The following KHDRBS2 variants were observed in gnomAD, a reference collection of about 807,000 sequenced individuals.
KHDRBS2 encodes KH RNA binding domain containing, signal transduction associated 2, also known as KH domain-containing, RNA-binding, signal transduction-associated protein 2.
Under a neutral mutation model 44.3 loss-of-function variants are expected in KHDRBS2, and 26 were observed. The ratio of observed to expected loss-of-function variants is 0.59; its 90% CI spans 0.43 to 0.81. The LOEUF is 0.81. KHDRBS2 is among the 40% of genes least tolerant of loss of function. The pLI is 0.00. For synonymous variants in KHDRBS2, 194 were observed against 151.1 expected (o/e 1.28, Z -2.08); for missense variants, 476 against 433.1 (o/e 1.10, Z -0.88).
intron 2 of KHDRBS2, among the ~76,000 whole-genome samples, chr6:62,085,289 A>T (rs1798179729): frequency 6.6e-6 from 1 of 152,106 alleles, no homozygotes; most frequent in South Asian, 2.1e-4. Flanking sequence ...ATGTGGATTG[A>T]AAAGAAGGCA....
chr6:61,810,745 GAATAA>G (rs1787988176), intron 6 of KHDRBS2, among the ~76,000 whole-genome samples: 1 of 151,934 alleles, frequency 6.6e-6, no homozygotes, highest in Non-Finnish European at 1.5e-5. Context: ...ACTGAGAATT[GAATAA>G]AATAAGCTAC....
At chr6:61,940,810 GGACTATTGCTGTT>G (rs942266532) in intron 4 of KHDRBS2, among the ~76,000 whole-genome samples, 3 of 152,158 alleles carry the variant, frequency 2.0e-5, no homozygotes, top group Non-Finnish European at 4.4e-5. Flanking sequence ...ATCCAAGCAT[GGACTATTGCTGTT>G]GAGGCTTAGG....
At chr6:62,004,904 G>T (rs147628707) in intron 3 of KHDRBS2, among the ~76,000 whole-genome samples, 16 of 152,070 alleles carry the variant, frequency 1.1e-4, no homozygotes, top group Non-Finnish European at 1.8e-4. Context: ...CAGAACCAAA[G>T]ACAAAAACCA....
chr6:61,993,674 TTTTTTTTTTTTG>T (rs1776604709), intron 3 of KHDRBS2, among the ~76,000 whole-genome samples: 10 of 84,244 alleles, frequency 1.2e-4, no homozygotes, highest in Admixed American at 3.2e-4. Context: ...TATATATATA[TTTTTTTTTTTTG>T]ATGTGAGCTT....
At chr6:61,735,014 T>A (rs1322534082) in intron 6 of KHDRBS2, among the ~76,000 whole-genome samples, 1 of 152,172 alleles carries the variant, frequency 6.6e-6, no homozygotes, top group Admixed American at 6.5e-5. Context: ...ATCTTTTCCT[T>A]GCTTTAATTT....
chr6:61,907,704 T>A lies in KHDRBS2; in HGVS notation c.484-6333A>T, dbSNP rs562024378. On this transcript the variant is annotated intron_variant, in intron 4 of 8. Transcript: ENST00000281156. ...TATGTTCTTGGTACCTTTGTTCTTGTGCATTGTTTTTAGAACATATACAAT... is the reference window on the plus strand; with the variant it reads ...TATGTTCTTGGTACCTTTGTTCTTGAGCATTGTTTTTAGAACATATACAAT... Among the ~76,000 whole-genome samples the A allele has an allele frequency of 2.6e-5, 4 of 152,316 alleles. No individual in the cohort carries two copies. In the South Asian group the frequency reaches 8.3e-4, roughly 32 times the overall value.
At chr6:62,031,224 C>T (rs751199732) in intron 3 of KHDRBS2, among the ~76,000 whole-genome samples, 1 of 151,898 alleles carries the variant, frequency 6.6e-6, no homozygotes, top group Non-Finnish European at 1.5e-5. Context: ...AACTAAAGAG[C>T]CCTTGAGCCC....
chr6:61,959,163 C>T (rs573979145), intron 4 of KHDRBS2, among the ~76,000 whole-genome samples: 4 of 152,256 alleles, frequency 2.6e-5, no homozygotes, highest in African/African-American at 7.2e-5. Context: ...ATAACATTGC[C>T]TTCTACTTCA....
At chr6:61,875,629 T>C (rs1168522640) in intron 6 of KHDRBS2, among the ~76,000 whole-genome samples, 1 of 152,124 alleles carries the variant, frequency 6.6e-6, no homozygotes, top group Non-Finnish European at 1.5e-5. Flanking sequence ...TTCCACAAAG[T>C]ATTATATCTA....
At chr6:61,962,104 A>T (rs1024194570) in intron 4 of KHDRBS2, among the ~76,000 whole-genome samples, 1 of 152,040 alleles carries the variant, frequency 6.6e-6, no homozygotes, top group African/African-American at 2.4e-5. Flanking sequence ...GGCAATCTTC[A>T]ATAAACACTA....
At chr6:61,752,650 T>C (rs1305057485) in intron 6 of KHDRBS2, among the ~76,000 whole-genome samples, 3 of 140,440 alleles carry the variant, frequency 2.1e-5, no homozygotes, top group African/African-American at 8.2e-5. Flanking sequence ...TGCCAGGCAC[T>C]ATTCTAGTGA....
Position 62,111,753 on chromosome 6 carries a change from A to G in KHDRBS2, c.220-63759T>C, listed in dbSNP as rs973892202. Among the ~76,000 whole-genome samples the G allele has an allele frequency of 4.6e-5, 7 of 152,172 alleles. No individual in the cohort carries two copies. In the East Asian group the frequency reaches 9.7e-4, roughly 21 times the overall value. ...GAAAATTAGCCGAGTATGGTGGCACACTTCTGTAGTCCTAGCTACATATGA... is the reference window on the plus strand; with the variant it reads ...GAAAATTAGCCGAGTATGGTGGCACGCTTCTGTAGTCCTAGCTACATATGA... On this transcript the variant is annotated intron_variant, in intron 2 of 8. Transcript: ENST00000281156.
intron 2 of KHDRBS2, among the ~76,000 whole-genome samples, chr6:62,126,264 T>A (rs1056806045): frequency 4.1e-4 from 62 of 152,066 alleles, no homozygotes; most frequent in African/African-American, 1.3e-3. Flanking sequence ...ATTTCTTATA[T>A]GAAAAAAGGA....
the KHDRBS2 span, among the ~76,000 whole-genome samples, chr6:61,598,999 T>A: frequency 1.3e-5 from 2 of 152,002 alleles, no homozygotes; most frequent in Non-Finnish European, 2.9e-5. Flanking sequence ...AATGGCGTGA[T>A]CTTGGCTCAC....
chr6:61,544,898 G>T, the KHDRBS2 span, among the ~76,000 whole-genome samples: 4 of 152,028 alleles, frequency 2.6e-5, no homozygotes, highest in Admixed American at 1.3e-4. Context: ...CATGGTCAGA[G>T]GAAGGGGAAC....
At chr6:61,880,258 A>G (rs1800016856) in intron 6 of KHDRBS2, among the ~76,000 whole-genome samples, 3 of 152,008 alleles carry the variant, frequency 2.0e-5, no homozygotes, top group South Asian at 4.1e-4. Context: ...GTGGTGTTAT[A>G]ATAGCCCTGT....
At chr6:62,247,259 G>A (rs759340592) in intron 1 of KHDRBS2, among the ~76,000 whole-genome samples, 1 of 151,798 alleles carries the variant, frequency 6.6e-6, no homozygotes, top group African/African-American at 2.4e-5. Flanking sequence ...TGTGTTTTTT[G>A]CCATTAAAAG....
At chr6:61,579,203 C>T in the KHDRBS2 span, among the ~76,000 whole-genome samples, 3,717 of 152,240 alleles carry the variant, frequency 0.024, 70 homozygotes, top group Middle Eastern at 0.085. Context: ...ATTCTGTGCC[C>T]AGCTCAGTTC....
chr6:61,773,327 G>A (rs1431294861), intron 6 of KHDRBS2, among the ~76,000 whole-genome samples: 12 of 151,938 alleles, frequency 7.9e-5, no homozygotes, highest in South Asian at 2.1e-4. Context: ...TTTAATGATC[G>A]CCATTCTAAC....
Sources: gnomAD v4.1 joint callset for allele counts (sites outside exome capture counted in the v4.1 genomes callset) on GRCh38, gnomAD v4.1.1 for gene constraint, MANE v1.5 for transcripts, NCBI Gene and HGNC (gene_info 2026-07-23, HGNC 2026-07-21) for gene names.